RAI1: variants seen among roughly 807,000 people sequenced by gnomAD.
RAI1 encodes the protein retinoic acid-induced protein 1.
Under a neutral mutation model 123.8 loss-of-function variants are expected in RAI1, and 9 were observed. That is an observed-to-expected ratio of 0.07 (90% CI 0.04 to 0.13). The LOEUF (loss-of-function observed/expected upper bound fraction) is 0.13, where lower values mean the gene tolerates loss of function less well. RAI1 is among the 10% of genes least tolerant of loss of function. The pLI is 1.00. For synonymous variants in RAI1, 1,231 were observed against 1,127.3 expected (o/e 1.09, Z -1.84); for missense variants, 2,256 against 2,545.8 (o/e 0.89, Z 2.45).
At position 17,789,848 on chromosome 17, in the gene RAI1, C is replaced by T. The variant is rs1598083934; in HGVS notation, c.-16-3085C>T. On this transcript the variant is annotated intron_variant, in intron 2 of 5. Transcript: ENST00000353383. The stretch of plus-strand genomic sequence containing the variant: ...TGGATGGGAATGAGTGGGGACCGTC[C>T]GGGCAGTGTGGTTGAGCTGGACCAT... Among the ~76,000 whole-genome samples the T allele has an allele frequency of 2.6e-5, 4 of 152,244 alleles. 1 individual carries two copies. Among genetic ancestry groups the T allele is most frequent in the South Asian group, 2.1e-4 (1 of 4,824 alleles).
chr17:17,767,760 A>G (rs1010941407), intron 2 of RAI1, among the ~76,000 whole-genome samples: 4 of 152,216 alleles, frequency 2.6e-5, no homozygotes, highest in African/African-American at 2.4e-5. Context: ...GGCTCCCGCC[A>G]AGAGTCTCAG....
At chr17:17,713,332 G>T (rs1053393327) in intron 1 of RAI1, among the ~76,000 whole-genome samples, 1 of 152,066 alleles carries the variant, frequency 6.6e-6, no homozygotes, top group African/African-American at 2.4e-5. Flanking sequence ...GATATAGTGA[G>T]ATCCTGTCTC....
chr17:17,775,451 G>A (rs968422107), intron 2 of RAI1, among the ~76,000 whole-genome samples: 3 of 152,110 alleles, frequency 2.0e-5, no homozygotes, highest in African/African-American at 7.2e-5. Flanking sequence ...CAGTCTGCCC[G>A]CCTCCACCTC....
chr17:17,809,825 T>A lies in RAI1; in HGVS notation c.5710-145T>A. 1.8e-6 allele frequency: 2 copies of A among 1,092,790 alleles called. No individual in the cohort carries two copies. The highest frequency in any genetic ancestry group is 1.4e-5 in the South Asian group (1 of 70,600). The allele number at this position is 1,092,790 out of a possible 1,614,324, so 67.7% of individuals were successfully genotyped here. On this transcript the variant is annotated intron_variant, in intron 5 of 5. Coordinates refer to ENST00000353383, the MANE Select transcript of RAI1 (RefSeq NM_030665.4). The surrounding 1 kb of genome is among the most constrained non-coding windows in gnomAD (Gnocchi z 4.9). ...GACGGGGTGGGGCCAGAAGGGGTGG[T>A]GCCGACGGCCTCGGGCGGAGACCCC...
At chr17:17,755,360 T>C (rs2030395996) in intron 2 of RAI1, among the ~76,000 whole-genome samples, 1 of 152,170 alleles carries the variant, frequency 6.6e-6, no homozygotes, top group Non-Finnish European at 1.5e-5. Context: ...AGGAGAGGTG[T>C]AGGCCTAGAG....
At chr17:17,783,526 C>T (rs2031697269) in intron 2 of RAI1, among the ~76,000 whole-genome samples, 5 of 152,210 alleles carry the variant, frequency 3.3e-5, no homozygotes. Context: ...ACGGCTGAAA[C>T]ATCTGTTGCA....
intron 4 of RAI1, among the ~76,000 whole-genome samples, chr17:17,805,694 G>A (rs1438181464): frequency 2.6e-5 from 4 of 152,316 alleles, no homozygotes; most frequent in Non-Finnish European, 4.4e-5. Flanking sequence ...CTGAGCTGCC[G>A]GGACCCAGCG....
chr17:17,706,147 G>A lies in RAI1; in HGVS notation c.-148-17881G>A, dbSNP rs1915388025. ...ATGGATCATTCTGCAGAGCCACGGT[G>A]CTTGCCCAGAGGTCAGCAGCCCTAT... is the stretch of plus-strand genomic sequence containing the variant. On this transcript the variant is annotated intron_variant, in intron 1 of 5. Transcript: ENST00000353383. Among the ~76,000 whole-genome samples the A allele has an allele frequency of 3.9e-5, 6 of 152,122 alleles. No homozygotes were observed. The South Asian group carries it at 1.2e-3, about 31-fold the overall frequency.
chr17:17,760,586 C>CA (rs1172862257), intron 2 of RAI1, among the ~76,000 whole-genome samples: 28 of 152,232 alleles, frequency 1.8e-4, no homozygotes, highest in Admixed American at 1.8e-3. Context: ...AGGAGGCCCC[C>CA]AGCCCCACCC....
intron 1 of RAI1, among the ~76,000 whole-genome samples, chr17:17,709,333 C>T: frequency 6.6e-6 from 1 of 152,146 alleles, no homozygotes; most frequent in African/African-American, 2.4e-5. Context: ...GGGCGATACT[C>T]AGGCGGGCTC....
intron 2 of RAI1, among the ~76,000 whole-genome samples, chr17:17,767,927 A>G (rs762674012): frequency 2.7e-4 from 41 of 152,178 alleles, no homozygotes; most frequent in Non-Finnish European, 4.3e-4. Context: ...AGCCTTGAGC[A>G]CTTTCCCATC....
At chr17:17,694,563 C>G (rs1345578576) in intron 1 of RAI1, among the ~76,000 whole-genome samples, 2 of 152,100 alleles carry the variant, frequency 1.3e-5, no homozygotes, top group Non-Finnish European at 2.9e-5. Flanking sequence ...CCTCTCTCCC[C>G]GACCTCGAGA....
intron 2 of RAI1, among the ~76,000 whole-genome samples, chr17:17,784,782 C>G (rs2031765966): frequency 6.6e-6 from 1 of 152,094 alleles, no homozygotes; most frequent in Non-Finnish European, 1.5e-5. Flanking sequence ...GGGATTGGTG[C>G]CATGAGGACA....
rs116112588 is a variant in RAI1 at position 17,809,875 on chromosome 17, T to C, written c.5710-95T>C. 1.8e-3 allele frequency: 2,696 copies of C among 1,532,132 alleles called. 37 individuals are homozygous for C. In the African/African-American group the frequency reaches 0.03, roughly 17 times the overall value. The allele number at this position is 1,532,132 out of a possible 1,614,324, so 94.9% of individuals were successfully genotyped here. ...CAGCCGCGCTCTGGGGTCGCCTGGG[T>C]CTGGGGCTTAGGCGGGGGGCCCACA... On this transcript the variant is annotated intron_variant, in intron 5 of 5. Transcript: ENST00000353383. This position sits in a 1 kb window ranked among gnomAD's most constrained non-coding sequence, Gnocchi z 4.9.
At chr17:17,744,910 T>A (rs1006077610) in intron 2 of RAI1, among the ~76,000 whole-genome samples, 4 of 150,686 alleles carry the variant, frequency 2.7e-5, no homozygotes, top group Admixed American at 1.3e-4. Flanking sequence ...TTTGACTCTG[T>A]TTGTGGGCAT....
At chr17:17,688,210 C>T (rs886505920) in intron 1 of RAI1, among the ~76,000 whole-genome samples, 6 of 151,560 alleles carry the variant, frequency 4.0e-5, no homozygotes, top group Admixed American at 3.3e-4. Flanking sequence ...ATAGGCAGGG[C>T]GCGGTGGCTT....
intron 2 of RAI1, among the ~76,000 whole-genome samples, chr17:17,791,708 T>C (rs1450331100): frequency 2.0e-5 from 3 of 152,194 alleles, no homozygotes; most frequent in Admixed American, 2.0e-4. Context: ...AGCCCCTCCA[T>C]GCACTTCCTC....
chr17:17,757,388 G>A (rs1358458891), intron 2 of RAI1, among the ~76,000 whole-genome samples: 2 of 152,214 alleles, frequency 1.3e-5, no homozygotes, highest in Non-Finnish European at 2.9e-5. Flanking sequence ...TGTGAGCACA[G>A]AGAGGGCAGC....
Position 17,794,904 on chromosome 17 carries a change from T to C in RAI1, c.1956T>C (p.Ser652=), listed in dbSNP as rs754442087. 8.1e-6 allele frequency: 13 copies of C among 1,613,448 alleles called. No homozygotes were observed. The highest frequency in any genetic ancestry group is 1.7e-5 in the Admixed American group (1 of 60,016). ...SLENHSACLD[S]VAKSAWPRPG... is the part of the protein sequence containing the mutation. ...AGAACCACAGCGCCTGCCTGGACTCTGTGGCCAAGAGTGCGTGGCCCCGGC... is the reference window on the plus strand; with the variant it reads ...AGAACCACAGCGCCTGCCTGGACTCCGTGGCCAAGAGTGCGTGGCCCCGGC... The change falls in exon 3 of 6, where the codon TCT becomes TCC. Residue 652 remains serine (S), a synonymous_variant. Transcript: ENST00000353383.
Sources: allele counts gnomAD v4.1 joint callset (sites outside exome capture counted in the v4.1 genomes callset), GRCh38; gene constraint gnomAD v4.1.1; non-coding constraint Gnocchi (gnomAD v3.1); transcripts MANE v1.5; gene names NCBI Gene and HGNC (gene_info 2026-07-23, HGNC 2026-07-21).